Variants in AFG2A observed in about 807,000 individuals in gnomAD.
AFG2A encodes AAA ATPase AFG2A.
the AFG2A span, among the ~76,000 whole-genome samples, chr4:123,188,855 T>C: frequency 6.6e-6 from 1 of 152,236 alleles, no homozygotes; most frequent in African/African-American, 2.4e-5. Flanking sequence ...TGCTAGTCAT[T>C]GTAGGGTAAT....
At chr4:123,075,859 A>G in the AFG2A span, among the ~76,000 whole-genome samples, 11 of 151,838 alleles carry the variant, frequency 7.2e-5, no homozygotes, top group African/African-American at 2.4e-4. Flanking sequence ...GGGGAGGTTG[A>G]GGCAGGAGAA....
the AFG2A span, among the ~76,000 whole-genome samples, chr4:123,132,278 A>G: frequency 6.6e-6 from 1 of 152,094 alleles, no homozygotes; most frequent in Admixed American, 6.6e-5. Flanking sequence ...TCCTTTGACT[A>G]ATATCGCACT....
chr4:123,037,092 A>T, the AFG2A span, among the ~76,000 whole-genome samples: 1 of 152,062 alleles, frequency 6.6e-6, no homozygotes, highest in East Asian at 1.9e-4. Flanking sequence ...TAAAAACTTC[A>T]TTTGAATTGT....
the AFG2A span, among the ~76,000 whole-genome samples, chr4:123,019,033 T>C: frequency 6.6e-6 from 1 of 152,020 alleles, no homozygotes; most frequent in African/African-American, 2.4e-5. Context: ...TCAGTAGTCC[T>C]CCAGAATACA....
the AFG2A span, among the ~76,000 whole-genome samples, chr4:123,229,866 A>G: frequency 2.0e-5 from 3 of 151,982 alleles, no homozygotes; most frequent in Non-Finnish European, 4.4e-5. Context: ...ATTTATATGC[A>G]TACTTTAGAG....
At chr4:123,252,907 C>T in the AFG2A span, among the ~76,000 whole-genome samples, 2 of 152,204 alleles carry the variant, frequency 1.3e-5, no homozygotes, top group African/African-American at 2.4e-5. Flanking sequence ...CTATTTGACT[C>T]AGCATGATGA....
the AFG2A span, among the ~76,000 whole-genome samples, chr4:123,118,507 T>A: frequency 0.87 from 131,348 of 150,864 alleles, 57,360 homozygotes; most frequent in East Asian, 0.98. Flanking sequence ...CATCCTTTTG[T>A]AGGATGCATG....
chr4:123,085,143 T>C, the AFG2A span, among the ~76,000 whole-genome samples: 1,545 of 152,302 alleles, frequency 0.01, 36 homozygotes, highest in African/African-American at 0.035. Flanking sequence ...TGGTCTATCT[T>C]GATGAATATT....
At chr4:123,074,651 T>A in the AFG2A span, among the ~76,000 whole-genome samples, 4 of 152,276 alleles carry the variant, frequency 2.6e-5, no homozygotes, top group East Asian at 3.9e-4. Context: ...TTCAACTTTT[T>A]AAAAATTTTG....
chr4:123,056,473 C>T, the AFG2A span: 2 of 1,596,986 alleles, frequency 1.3e-6, no homozygotes, highest in South Asian at 1.1e-5. Context: ...GCACTCAGCA[C>T]AGGAGAATCA....
chr4:123,183,080 G>T, the AFG2A span, among the ~76,000 whole-genome samples: 1 of 152,134 alleles, frequency 6.6e-6, no homozygotes, highest in Non-Finnish European at 1.5e-5. Context: ...CTTGGAGGGG[G>T]TCAGAGCTAT....
the AFG2A span, among the ~76,000 whole-genome samples, chr4:123,267,975 T>A: frequency 6.6e-6 from 1 of 152,038 alleles, no homozygotes; most frequent in South Asian, 2.1e-4. Context: ...TCATGGCTTA[T>A]AAGCTAATCA....
chr4:122,958,539 G>A, the AFG2A span, among the ~76,000 whole-genome samples: 2 of 152,090 alleles, frequency 1.3e-5, no homozygotes, highest in Non-Finnish European at 2.9e-5. Flanking sequence ...TTTTAATTCA[G>A]GACCAATCAC....
At chr4:123,195,323 A>G in the AFG2A span, among the ~76,000 whole-genome samples, 3 of 152,238 alleles carry the variant, frequency 2.0e-5, no homozygotes, top group Non-Finnish European at 4.4e-5. Flanking sequence ...TTGATAAAAT[A>G]TATACCAAAA....
the AFG2A span, among the ~76,000 whole-genome samples, chr4:122,998,083 C>A: frequency 2.0e-5 from 3 of 151,842 alleles, no homozygotes; most frequent in Non-Finnish European, 4.4e-5. Flanking sequence ...TTTATTTTTC[C>A]AGTTAGTTGT....
At chr4:122,941,035 G>A in the AFG2A span, among the ~76,000 whole-genome samples, 2 of 150,102 alleles carry the variant, frequency 1.3e-5, no homozygotes, top group Non-Finnish European at 3.0e-5. Flanking sequence ...GGTTACTGTG[G>A]CCTTGTAGTA....
chr4:123,225,290 C>G, the AFG2A span, among the ~76,000 whole-genome samples: 1 of 152,166 alleles, frequency 6.6e-6, no homozygotes, highest in Non-Finnish European at 1.5e-5. Context: ...TTGCACATGC[C>G]TATGTCCTGA....
the AFG2A span, among the ~76,000 whole-genome samples, chr4:123,166,700 G>A: frequency 1.3e-5 from 2 of 152,126 alleles, no homozygotes; most frequent in South Asian, 2.1e-4. Context: ...CACCTAGTTG[G>A]GGAGAAAAGA....
the AFG2A span, among the ~76,000 whole-genome samples, chr4:122,981,620 ATATTT>A: frequency 6.6e-6 from 1 of 151,992 alleles, no homozygotes; most frequent in African/African-American, 2.4e-5. Context: ...GGTAGTATGA[ATATTT>A]TAATAGTGTT....
Sources: allele counts gnomAD v4.1 joint callset (sites outside exome capture counted in the v4.1 genomes callset), GRCh38; gene constraint gnomAD v4.1.1; transcripts MANE v1.5; gene names NCBI Gene and HGNC (gene_info 2026-07-23, HGNC 2026-07-21).